The following HDAC9 variants were observed in gnomAD, a reference collection of about 807,000 sequenced individuals.
The protein encoded by HDAC9 is MEF-2 interacting transcription repressor (MITR) protein.
Under a neutral mutation model 139.4 loss-of-function variants are expected in HDAC9, and 41 were observed. The observed-to-expected ratio is 0.29, with a 90% CI of 0.23 to 0.38. The LOEUF is 0.38. Among genes scored for constraint, HDAC9 ranks in the 10% least tolerant of loss-of-function variants. The pLI is 1.00. For missense variants in HDAC9, 1,147 were observed against 1,297.0 expected (o/e 0.88, Z 1.78); for synonymous variants, 517 against 476.2 (o/e 1.09, Z -1.12).
intron 2 of HDAC9, among the ~76,000 whole-genome samples, chr7:18,251,443 C>T (rs1031984401): frequency 2.6e-5 from 4 of 152,086 alleles, no homozygotes; most frequent in African/African-American, 9.7e-5. Context: ...ATGATCTGTG[C>T]AGCAGACCAC....
At chr7:18,891,656 T>G (rs2129270077) in intron 22 of HDAC9, among the ~76,000 whole-genome samples, 1 of 152,286 alleles carries the variant, frequency 6.6e-6, no homozygotes, top group South Asian at 2.1e-4. Context: ...TGTGACTGAC[T>G]TGAGGTGGTG....
chr7:18,637,333 C>G (rs1339929733), intron 8 of HDAC9, among the ~76,000 whole-genome samples: 2 of 151,936 alleles, frequency 1.3e-5, no homozygotes, highest in Non-Finnish European at 2.9e-5. Flanking sequence ...ATTGGAACAA[C>G]CAGTAAGTAT....
chr7:18,653,925 A>C (rs552556274), intron 11 of HDAC9, among the ~76,000 whole-genome samples: 1 of 152,236 alleles, frequency 6.6e-6, no homozygotes, highest in South Asian at 2.1e-4. Context: ...CTCCATCCAC[A>C]GTAACCTAAG....
At chr7:18,343,516 G>A (rs568388910) in intron 1 of HDAC9, among the ~76,000 whole-genome samples, 4 of 151,846 alleles carry the variant, frequency 2.6e-5, no homozygotes, top group African/African-American at 9.6e-5. Flanking sequence ...CAGCTCTGCT[G>A]TGTCTCTACA....
intron 2 of HDAC9, among the ~76,000 whole-genome samples, chr7:18,232,638 T>G (rs1017906618): frequency 2.0e-5 from 3 of 152,348 alleles, no homozygotes; most frequent in African/African-American, 7.2e-5. Context: ...GCTCATGATA[T>G]TTGCAGAATG....
intron 21 of HDAC9, among the ~76,000 whole-genome samples, chr7:18,871,732 A>G (rs1389271428): frequency 6.6e-6 from 1 of 152,180 alleles, no homozygotes; most frequent in South Asian, 2.1e-4. Flanking sequence ...TTCAGACACA[A>G]TAGATCTTTT....
intron 1 of HDAC9, among the ~76,000 whole-genome samples, chr7:18,115,096 C>T (rs1189992601): frequency 6.6e-6 from 1 of 152,132 alleles, no homozygotes; most frequent in Admixed American, 6.5e-5. Flanking sequence ...TCGAGACCAT[C>T]GTGGCTAACA....
intron 21 of HDAC9, among the ~76,000 whole-genome samples, chr7:18,846,172 T>C (rs970274444): frequency 6.6e-6 from 1 of 152,214 alleles, no homozygotes; most frequent in African/African-American, 2.4e-5. Flanking sequence ...TAATTCTCAA[T>C]GTTCTTCTCC....
At chr7:18,941,295 C>A (rs541068564) in intron 23 of HDAC9, among the ~76,000 whole-genome samples, 5 of 152,034 alleles carry the variant, frequency 3.3e-5, no homozygotes, top group African/African-American at 1.2e-4. Flanking sequence ...GTTGAGTATG[C>A]TCAGCTGCTT....
Position 18,496,013 on chromosome 7 carries a change from T to C in HDAC9, c.-52T>C. The C allele has an allele frequency of 2.1e-6, 3 of 1,419,738 alleles. No individual in the cohort carries two copies. Among genetic ancestry groups the C allele is most frequent in the African/African-American group, 1.4e-5 (1 of 69,368 alleles). 87.9% of individuals were successfully genotyped at this position (1,419,738 alleles called of 1,614,324 possible). ...ATAGCATCCACTCTGTCCTTTCTGC[T>C]TTGCACACAGGTTGGTAACATGGGA... On this transcript the variant is annotated 5_prime_UTR_variant, in exon 1 of 26. Coordinates refer to ENST00000686413, the MANE Select transcript of HDAC9 (RefSeq NM_178425.4).
intron 25 of HDAC9, among the ~76,000 whole-genome samples, chr7:18,990,086 A>G (rs1191132432): frequency 6.6e-6 from 1 of 151,900 alleles, no homozygotes; most frequent in Non-Finnish European, 1.5e-5. Flanking sequence ...GCTTTGTTCC[A>G]TTGCTGGTGA....
At chr7:18,992,154 T>C (rs1169703673) in intron 25 of HDAC9, among the ~76,000 whole-genome samples, 1 of 152,240 alleles carries the variant, frequency 6.6e-6, no homozygotes, top group Non-Finnish European at 1.5e-5. Flanking sequence ...TGGGAATGTA[T>C]ACCAAAGACA....
chr7:18,960,634 A>G (rs2286003), intron 24 of HDAC9, among the ~76,000 whole-genome samples: 122,142 of 152,018 alleles, frequency 0.8, 49,255 homozygotes, highest in African/African-American at 0.84. Flanking sequence ...GTGGTACCTA[A>G]TTTTCTTGGC....
intron 12 of HDAC9, among the ~76,000 whole-genome samples, chr7:18,717,262 C>G (rs1044211632): frequency 9.2e-5 from 14 of 152,062 alleles, no homozygotes; most frequent in African/African-American, 3.4e-4. Context: ...TCCAGCTTCC[C>G]TGAACTGTGC....
chr7:18,989,135 G>A (rs1166742509), intron 25 of HDAC9, among the ~76,000 whole-genome samples: 4 of 147,208 alleles, frequency 2.7e-5, no homozygotes, highest in Non-Finnish European at 6.0e-5. Flanking sequence ...TTGCTCGTTC[G>A]TTGATGCAGT....
intron 22 of HDAC9, among the ~76,000 whole-genome samples, chr7:18,914,906 T>G (rs1200131734): frequency 6.6e-6 from 1 of 152,048 alleles, no homozygotes; most frequent in African/African-American, 2.4e-5. Context: ...ATACTTTACA[T>G]AATACAACCA....
intron 2 of HDAC9, among the ~76,000 whole-genome samples, chr7:18,276,822 A>G (rs1489689440): frequency 2.0e-5 from 3 of 152,204 alleles, no homozygotes; most frequent in African/African-American, 7.2e-5. Context: ...TACTTCAAAA[A>G]CATTTTAATA....
At chr7:18,497,189 A>G (rs778567461) in intron 2 of HDAC9, among the ~76,000 whole-genome samples, 1 of 151,518 alleles carries the variant, frequency 6.6e-6, no homozygotes, top group Non-Finnish European at 1.5e-5. Flanking sequence ...AGCTTTGGGA[A>G]CTCTTTGTTT....
intron 2 of HDAC9, among the ~76,000 whole-genome samples, chr7:18,497,483 G>A (rs1419309849): frequency 1.3e-5 from 2 of 152,064 alleles, no homozygotes; most frequent in African/African-American, 2.4e-5. Context: ...AGATCCTTCT[G>A]TTGACCCAAT....
Sources: allele counts gnomAD v4.1 joint callset (sites outside exome capture counted in the v4.1 genomes callset), GRCh38; gene constraint gnomAD v4.1.1; transcripts MANE v1.5; gene names NCBI Gene and HGNC (gene_info 2026-07-23, HGNC 2026-07-21).